The following ARHGAP39 variants were observed in gnomAD, a reference collection of about 807,000 sequenced individuals.
ARHGAP39 encodes Rho GTPase activating protein 39.
ARHGAP39 carries 44 observed loss-of-function variants against 106.9 expected under a neutral mutation model. That is an observed-to-expected ratio of 0.41 (90% CI 0.32 to 0.53). ARHGAP39 has a LOEUF of 0.53. Ranked by LOEUF, ARHGAP39 falls within the 20% of genes least tolerant of loss-of-function variation. The probability of loss-of-function intolerance (pLI) is 0.21; values close to 1 mark genes in which losing one functional copy is unlikely to be tolerated. For synonymous variants in ARHGAP39, 768 were observed against 693.2 expected (o/e 1.11, Z -1.69); for missense variants, 1,496 against 1,577.3 (o/e 0.95, Z 0.87).
At position 144,548,498 on chromosome 8, in the gene ARHGAP39, G is replaced by A. The variant is rs773630427; in HGVS notation, c.597-9C>T. The A allele has an allele frequency of 6.2e-7, 1 of 1,604,664 alleles. No homozygotes were observed. The highest frequency in any genetic ancestry group is 1.1e-5 in the South Asian group (1 of 90,448). On this transcript the variant is annotated splice_polypyrimidine_tract_variant and intron_variant, in intron 4 of 11. Transcript: ENST00000377307. The surrounding 1 kb of genome is among the most constrained non-coding windows in gnomAD (Gnocchi z 7.4). ...ACCGCAGCGAGGAGGTCCTGCGTGGGGGGTGGACGGGCACAGGTGACTGCC... is the reference window on the plus strand; with the variant it reads ...ACCGCAGCGAGGAGGTCCTGCGTGGAGGGTGGACGGGCACAGGTGACTGCC...
chr8:144,678,723 GCCATCC>G (rs2129755555), intron 1 of ARHGAP39, among the ~76,000 whole-genome samples: 1 of 152,304 alleles, frequency 6.6e-6, no homozygotes, highest in African/African-American at 2.4e-5. Context: ...CAAATCCTTG[GCCATCC>G]CCTCCTAGTT....
chr8:144,530,533 G>T lies in ARHGAP39; in HGVS notation c.3234C>A (p.Arg1078=), dbSNP rs780644443. 4 of 1,612,050 alleles carry T rather than the reference G, an allele frequency of 2.5e-6. No homozygotes were observed. The highest frequency in any genetic ancestry group is 3.4e-6 in the Non-Finnish European group (4 of 1,179,722). Residue 1078 remains arginine (R), a synonymous_variant, in exon 12 of 12, where the codon CGC becomes CGA. Transcript: ENST00000377307. ...TGACGCGCGGGTCGTCGGACTGGCAGCGCAAGCAGTTGGGCGCCATCACCA... is the reference window on the plus strand; with the variant it reads ...TGACGCGCGGGTCGTCGGACTGGCATCGCAAGCAGTTGGGCGCCATCACCA... The part of the protein sequence containing the change: ...LAMVMAPNCL[R]CQSDDPRVIF...
intron 3 of ARHGAP39, among the ~76,000 whole-genome samples, chr8:144,558,260 T>C (rs1818019290): frequency 6.6e-6 from 1 of 152,230 alleles, no homozygotes; most frequent in Admixed American, 6.5e-5. Flanking sequence ...TGACTTCTTT[T>C]TAAATTAGTT....
chr8:144,580,882 G>C lies in ARHGAP39; in HGVS notation c.476C>G (p.Pro159Arg), dbSNP rs953783967. The C allele has an allele frequency of 6.3e-7, 1 of 1,587,082 alleles. No individual in the cohort carries two copies. Among genetic ancestry groups the C allele is most frequent in the Non-Finnish European group, 8.5e-7 (1 of 1,172,216 alleles). ...AQELPARAGR[P>R]AAFGTVKEDS... ...CTCCTTCACTGTCCCAAACGCCGCG[G>C]GCCGCCCGGCCCTCGCTGGCAACTC... is the stretch of plus-strand genomic sequence containing the variant. The change falls in exon 3 of 12, where the codon CCC becomes CGC. Residue 159 changes from proline to arginine, a missense_variant. Around this residue, in one of 4 missense-constraint regions of ARHGAP39, gnomAD observed 905 missense variants for 816.4 expected, o/e 1.11. Coordinates refer to ENST00000377307, the MANE Select transcript of ARHGAP39 (RefSeq NM_025251.3).
intron 2 of ARHGAP39, among the ~76,000 whole-genome samples, chr8:144,589,653 G>A (rs1819317758): frequency 6.6e-6 from 1 of 152,244 alleles, no homozygotes; most frequent in African/African-American, 2.4e-5. Context: ...AGGGCAGAGG[G>A]TGGCCCCCAC....
chr8:144,684,466 C>T lies in ARHGAP39; in HGVS notation c.-82+1220G>A, dbSNP rs1290095924. On this transcript the variant is annotated intron_variant, in intron 1 of 11. Coordinates refer to ENST00000377307, the MANE Select transcript of ARHGAP39 (RefSeq NM_025251.3). The surrounding 1 kb of genome is among the most constrained non-coding windows in gnomAD (Gnocchi z 4.4). ...TACCAGGAGGCACGAGAAGCCTCAC[C>T]ACTGTAGGTTTTTCAGCAGAGGTCA... Among the ~76,000 whole-genome samples the T allele has an allele frequency of 6.6e-6, 1 of 152,168 alleles. No homozygotes were observed.
intron 1 of ARHGAP39, among the ~76,000 whole-genome samples, chr8:144,616,585 G>A (rs1194630694): frequency 2.0e-5 from 3 of 152,190 alleles, no homozygotes; most frequent in African/African-American, 4.8e-5. Flanking sequence ...GAGGCTGAGT[G>A]TTGCTGACTC....
Position 144,545,830 on chromosome 8 carries a change from C to T in ARHGAP39, c.1960-20G>A, listed in dbSNP as rs1289451836. ...CTCAGACTGAGAAGGACAAATGCGG[C>T]TGGGCTGTTGGGGGTGGGGGAGGGC... On this transcript the variant is annotated intron_variant, in intron 5 of 11. Coordinates refer to ENST00000377307, the MANE Select transcript of ARHGAP39 (RefSeq NM_025251.3). The T allele has an allele frequency of 3.6e-6, 5 of 1,392,330 alleles. No homozygotes were observed. Among genetic ancestry groups the T allele is most frequent in the Non-Finnish European group, 3.9e-6 (4 of 1,034,622 alleles). The allele number at this position is 1,392,330 out of a possible 1,614,324, so 86.2% of individuals were successfully genotyped here.
At chr8:144,619,062 A>G (rs536924330) in intron 1 of ARHGAP39, among the ~76,000 whole-genome samples, 1 of 152,244 alleles carries the variant, frequency 6.6e-6, no homozygotes, top group African/African-American at 2.4e-5. Context: ...GGACAGGCCC[A>G]GAGAGCAGGA....
chr8:144,616,301 T>C (rs1041457886), intron 1 of ARHGAP39, among the ~76,000 whole-genome samples: 1 of 152,226 alleles, frequency 6.6e-6, no homozygotes, highest in African/African-American at 2.4e-5. Flanking sequence ...ACCTGGTCTG[T>C]GACCTGGGAC....
chr8:144,545,425 T>G lies in ARHGAP39; in HGVS notation c.2345A>C (p.Asp782Ala). Residue 782 changes from aspartate to alanine, a missense_variant, in exon 6 of 12, where the codon GAC (aspartate) becomes GCC (alanine). Coordinates refer to ENST00000377307, the MANE Select transcript of ARHGAP39 (RefSeq NM_025251.3). ...TKGWSVQGLR[D>A]ELYIQLCRQT... is the part of the protein sequence containing the mutation. ...CCGGCACAGCTGGATGTAGAGCTCG[T>G]CCCGCAGGCCCTGCACGCTCCAGCC... is the stretch of plus-strand genomic sequence containing the variant. 1 of 1,586,566 alleles carries G rather than the reference T, an allele frequency of 6.3e-7. No homozygotes were observed. The highest frequency in any genetic ancestry group is 8.6e-7 in the Non-Finnish European group (1 of 1,162,922).
intron 10 of ARHGAP39, 24 bp downstream of exon 10, chr8:144,532,281 C>T (rs1232657152): frequency 6.2e-7 from 1 of 1,609,674 alleles, no homozygotes; most frequent in East Asian, 2.2e-5. Flanking sequence ...GCCCGCTCTG[C>T]TGCAGCGTGT....
intron 1 of ARHGAP39, among the ~76,000 whole-genome samples, chr8:144,669,156 T>G (rs972216569): frequency 7.3e-6 from 1 of 136,638 alleles, no homozygotes; most frequent in Non-Finnish European, 1.6e-5. Context: ...CAAAATTAAC[T>G]CAAAATGGAT....
intron 1 of ARHGAP39, among the ~76,000 whole-genome samples, chr8:144,608,983 G>T (rs1254410747): frequency 3.3e-5 from 5 of 152,146 alleles, no homozygotes; most frequent in Admixed American, 2.0e-4. Context: ...CTGCAGAGAT[G>T]ATCATGTCAA....
intron 2 of ARHGAP39, among the ~76,000 whole-genome samples, chr8:144,588,809 G>A (rs926808510): frequency 3.3e-5 from 5 of 152,240 alleles, no homozygotes; most frequent in Non-Finnish European, 5.9e-5. Flanking sequence ...TGCTCACCGC[G>A]CCGTGACATG....
chr8:144,699,078 G>A, the ARHGAP39 span: 116 of 327,154 alleles, frequency 3.5e-4, no homozygotes, highest in African/African-American at 2.3e-3. Context: ...CACACCTCTT[G>A]TCTCTTGGGA....
chr8:144,536,526 G>A (rs1816961449), intron 7 of ARHGAP39, among the ~76,000 whole-genome samples: 2 of 152,226 alleles, frequency 1.3e-5, no homozygotes. Context: ...GCCAGCTCAG[G>A]TAGGAGCGCA....
chr8:144,665,710 T>C (rs771575089), intron 1 of ARHGAP39, among the ~76,000 whole-genome samples: 5 of 152,212 alleles, frequency 3.3e-5, no homozygotes, highest in Admixed American at 6.5e-5. Flanking sequence ...AAGTCAAGAA[T>C]TGAGGTTTGG....
intron 1 of ARHGAP39, among the ~76,000 whole-genome samples, chr8:144,673,304 C>T (rs1235764663): frequency 6.6e-6 from 1 of 152,148 alleles, no homozygotes; most frequent in East Asian, 1.9e-4. Context: ...CACCAAGGCC[C>T]TCTGCGGGCA....
Sources: allele counts gnomAD v4.1 joint callset (sites outside exome capture counted in the v4.1 genomes callset), GRCh38; gene constraint gnomAD v4.1.1; regional missense constraint gnomAD v4.1.1; non-coding constraint Gnocchi (gnomAD v3.1); transcripts MANE v1.5; gene names NCBI Gene and HGNC (gene_info 2026-07-23, HGNC 2026-07-21).